Variants in PLA2G4E observed in about 807,000 individuals in gnomAD.
PLA2G4E encodes the protein cytosolic phospholipase A2 epsilon.
In PLA2G4E, 84 loss-of-function variants were observed where a neutral mutation model predicts 109.1. The ratio of observed to expected loss-of-function variants is 0.77; its 90% CI spans 0.65 to 0.92. The LOEUF is 0.92. PLA2G4E is among the 40% of genes least tolerant of loss of function. PLA2G4E has a pLI of 0.00. For synonymous variants in PLA2G4E, 469 were observed against 436.1 expected (o/e 1.08, Z -0.94); for missense variants, 1,057 against 1,076.6 (o/e 0.98, Z 0.25).
At chr15:41,991,128 G>A (rs2068241050) in intron 13 of PLA2G4E, among the ~76,000 whole-genome samples, 1 of 152,162 alleles carries the variant, frequency 6.6e-6, no homozygotes, top group Non-Finnish European at 1.5e-5. Context: ...GCAGGCTCAG[G>A]GAAGAGCCGG....
exon 13 of PLA2G4E, chr15:41,992,912 A>G: frequency 1.9e-6 from 3 of 1,613,936 alleles, no homozygotes; most frequent in Non-Finnish European, 2.5e-6. Flanking sequence ...AGCAGGCTCC[A>G]AGTTTTTGGA....
exon 12 of PLA2G4E, chr15:41,995,456 C>G: frequency 6.2e-7 from 1 of 1,613,982 alleles, no homozygotes; most frequent in Non-Finnish European, 8.5e-7. Context: ...GGTCATGGAT[C>G]TTGTTCCACC....
At chr15:42,024,574 T>G (rs2068677017) in intron 1 of PLA2G4E, among the ~76,000 whole-genome samples, 2 of 152,144 alleles carry the variant, frequency 1.3e-5, no homozygotes. Flanking sequence ...AGAAGCCCAG[T>G]GGATGCCACT....
chr15:42,044,171 T>A (rs1889368183), intron 1 of PLA2G4E, among the ~76,000 whole-genome samples: 1 of 152,120 alleles, frequency 6.6e-6, no homozygotes, highest in South Asian at 2.1e-4. Context: ...GAAAATAATT[T>A]CTAACCATCA....
At chr15:41,995,090 G>T (rs1209101968) in intron 12 of PLA2G4E, among the ~76,000 whole-genome samples, 2 of 152,292 alleles carry the variant, frequency 1.3e-5, no homozygotes, top group Non-Finnish European at 2.9e-5. Flanking sequence ...AGGGCATACA[G>T]TGTCTCTGGC....
intron 1 of PLA2G4E, among the ~76,000 whole-genome samples, chr15:42,021,457 A>C (rs2068647763): frequency 6.9e-6 from 1 of 145,636 alleles, no homozygotes; most frequent in Non-Finnish European, 1.5e-5. Flanking sequence ...CTTCAGTTTC[A>C]TGGCTTGGTA....
intron 5 of PLA2G4E, among the ~76,000 whole-genome samples, chr15:42,003,815 A>C (rs2068444493): frequency 6.6e-6 from 1 of 152,228 alleles, no homozygotes; most frequent in African/African-American, 2.4e-5. Flanking sequence ...AGTGAGGAAC[A>C]AGCTGCCCAG....
chr15:42,016,080 A>C (rs187564346), intron 1 of PLA2G4E, among the ~76,000 whole-genome samples: 86 of 152,210 alleles, frequency 5.7e-4, no homozygotes, highest in African/African-American at 1.9e-3. Context: ...TGCGACCCTG[A>C]ATGTTCTACT....
chr15:41,995,965 G>A (rs2068332685), intron 11 of PLA2G4E, among the ~76,000 whole-genome samples: 1 of 152,200 alleles, frequency 6.6e-6, no homozygotes, highest in Non-Finnish European at 1.5e-5. Flanking sequence ...GTACTGGCAA[G>A]GCCAAGAGTC....
intron 16 of PLA2G4E, among the ~76,000 whole-genome samples, chr15:41,987,607 G>T (rs1368293949): frequency 1.3e-5 from 2 of 152,156 alleles, no homozygotes; most frequent in Non-Finnish European, 2.9e-5. Context: ...CAGCTAAGAA[G>T]CGTCCTGGAG....
chr15:41,984,728 C>T (rs2068113418), intron 18 of PLA2G4E, 109 bp from the exon 19 acceptor site: 1 of 1,049,646 alleles, frequency 9.5e-7, no homozygotes, highest in Admixed American at 2.9e-5. Flanking sequence ...CAACTCAGCT[C>T]CCCAACTGCT....
At chr15:42,003,862 C>CCTTT (rs71108144) in intron 5 of PLA2G4E, among the ~76,000 whole-genome samples, 65 of 150,424 alleles carry the variant, frequency 4.3e-4, no homozygotes, top group East Asian at 4.1e-3. Flanking sequence ...GCGGGGGTTG[C>CCTTT]CTTTCTTTCT....
intron 1 of PLA2G4E, among the ~76,000 whole-genome samples, chr15:42,039,821 C>G (rs966363807): frequency 2.0e-5 from 3 of 152,018 alleles, no homozygotes; most frequent in African/African-American, 4.8e-5. Flanking sequence ...AACATACATA[C>G]CTTGTTCTTA....
At chr15:42,006,008 C>T (rs752056050) in exon 4 of PLA2G4E, 4 of 1,613,942 alleles carry the variant, frequency 2.5e-6, no homozygotes, top group Admixed American at 1.7e-5. Flanking sequence ...TGAGTGGAAA[C>T]TTCACGTGGG....
chr15:42,038,259 G>A (rs1889252165), intron 1 of PLA2G4E, among the ~76,000 whole-genome samples: 1 of 152,206 alleles, frequency 6.6e-6, no homozygotes, highest in Non-Finnish European at 1.5e-5. Context: ...TGGTTTTGTA[G>A]AAGACAATTT....
chr15:42,034,843 T>C (rs746850979), intron 1 of PLA2G4E, among the ~76,000 whole-genome samples: 1 of 152,254 alleles, frequency 6.6e-6, no homozygotes, highest in South Asian at 2.1e-4. Flanking sequence ...GAAGCCTATA[T>C]GCCCCTTGGA....
chr15:42,008,286 G>A (rs937462198), intron 2 of PLA2G4E, among the ~76,000 whole-genome samples: 20 of 152,222 alleles, frequency 1.3e-4, no homozygotes, highest in Non-Finnish European at 2.5e-4. Flanking sequence ...CACTCCCTCT[G>A]GGCTGAGGAG....
chr15:42,041,526 T>C (rs750720953), intron 1 of PLA2G4E, among the ~76,000 whole-genome samples: 40 of 152,068 alleles, frequency 2.6e-4, no homozygotes, highest in Non-Finnish European at 3.4e-4. Flanking sequence ...GGACTCCTCA[T>C]TGAGGATTCA....
chr15:42,048,831 C>A (rs753039473), intron 1 of PLA2G4E, among the ~76,000 whole-genome samples: 1 of 152,188 alleles, frequency 6.6e-6, no homozygotes, highest in Non-Finnish European at 1.5e-5. Flanking sequence ...CTCCAGAGCC[C>A]GTGCTCTTCA....
Sources: allele counts gnomAD v4.1 joint callset (sites outside exome capture counted in the v4.1 genomes callset), GRCh38; gene constraint gnomAD v4.1.1; transcripts MANE v1.5; gene names NCBI Gene and HGNC (gene_info 2026-07-23, HGNC 2026-07-21).